Variants in MEGF6 observed in about 807,000 individuals in gnomAD.
The protein encoded by MEGF6 is multiple epidermal growth factor-like domains protein 6.
Under a neutral mutation model 207.1 loss-of-function variants are expected in MEGF6, and 184 were observed. The ratio of observed to expected loss-of-function variants is 0.89; its 90% CI spans 0.79 to 1.00. The LOEUF is 1.00. MEGF6 is among the 50% of genes least tolerant of loss of function. MEGF6 has a pLI of 0.00. For synonymous variants in MEGF6, 1,038 were observed against 910.0 expected (o/e 1.14, Z -2.53); for missense variants, 2,282 against 2,202.9 (o/e 1.04, Z -0.72).
Position 3,608,932 on chromosome 1 carries a change from G to C in MEGF6, c.131+2206C>G, listed in dbSNP as rs1412518727. ...GATGGGGCAAAGCACCTGGATCTGC[G>C]AGTTGGAGGGCACACCCCTCGCTGC... On this transcript the variant is annotated intron_variant, in intron 1 of 36. Coordinates refer to ENST00000356575, the MANE Select transcript of MEGF6 (RefSeq NM_001409.4). 2.6e-5 allele frequency among the ~76,000 whole-genome samples: 4 copies of C among 152,188 alleles called. No individual in the cohort carries two copies. The South Asian group carries it at 8.3e-4, about 32-fold the overall frequency.
chr1:3,590,310 G>A (rs1005389533), intron 3 of MEGF6, among the ~76,000 whole-genome samples: 8 of 152,316 alleles, frequency 5.3e-5, no homozygotes, highest in Admixed American at 2.6e-4. Context: ...GGGAGACTCC[G>A]GCTGAAACAT....
chr1:3,501,119 G>A, intron 19 of MEGF6, 25 bp from the exon 20 acceptor site: 1 of 1,612,670 alleles, frequency 6.2e-7, no homozygotes, highest in Non-Finnish European at 8.5e-7. Flanking sequence ...GAGAGGGTGA[G>A]TGGGGCCTGG....
intron 4 of MEGF6, among the ~76,000 whole-genome samples, chr1:3,526,308 G>C (rs186353169): frequency 5.3e-3 from 808 of 152,250 alleles, no homozygotes; most frequent in African/African-American, 0.014. Flanking sequence ...CAGGAGAGGA[G>C]GGCAAGAGCC....
chr1:3,492,807 T>C (rs771829674), intron 34 of MEGF6, 40 bp from the exon 35 acceptor site: 8 of 1,589,146 alleles, frequency 5.0e-6, no homozygotes, highest in Non-Finnish European at 6.9e-6. Flanking sequence ...CTGAGCATCA[T>C]CCTTGCCTTC....
intron 4 of MEGF6, among the ~76,000 whole-genome samples, chr1:3,549,583 G>T (rs1642821976): frequency 6.6e-6 from 1 of 152,194 alleles, no homozygotes; most frequent in South Asian, 2.1e-4. Flanking sequence ...TTGGTTGACT[G>T]CATGCAGAAG....
At chr1:3,495,330 G>A (rs1640555752) in intron 30 of MEGF6, among the ~76,000 whole-genome samples, 1 of 152,192 alleles carries the variant, frequency 6.6e-6, no homozygotes, top group African/African-American at 2.4e-5. Flanking sequence ...GGGGCAGCCA[G>A]TCCCTTGATG....
At chr1:3,587,227 G>A (rs1452864582) in intron 3 of MEGF6, among the ~76,000 whole-genome samples, 8 of 152,214 alleles carry the variant, frequency 5.3e-5, no homozygotes, top group South Asian at 2.1e-4. Context: ...CGAGGACTCC[G>A]CGGTCATAAC....
chr1:3,514,505 G>C, intron 7 of MEGF6, 45 bp downstream of exon 7: 1 of 1,550,762 alleles, frequency 6.4e-7, no homozygotes, highest in African/African-American at 1.3e-5. Context: ...ACCTGGGTGC[G>C]CTTTCTGACC....
In MEGF6 at chr1:3,498,794, G is replaced by T. The variant is rs752133585; in HGVS notation, c.3127C>A (p.Arg1043=). Residue 1043 remains arginine, a synonymous_variant, in exon 25 of 37, where the codon CGG becomes AGG. Coordinates refer to ENST00000356575, the MANE Select transcript of MEGF6 (RefSeq NM_001409.4). Reference sequence around the variant, plus strand: ...CCGTTCTGGCAGAGGCAGGAATGCCGACAGTTGTCGCCGTACAGGCCGGCA... The same window carrying T: ...CCGTTCTGGCAGAGGCAGGAATGCCTACAGTTGTCGCCGTACAGGCCGGCA... ...CPAGLYGDNC[R]HSCLCQNGGT... is the part of the protein sequence containing the mutation. 45 of 1,555,446 alleles carry T rather than the reference G, an allele frequency of 2.9e-5. No individual in the cohort carries two copies. Among genetic ancestry groups the T allele is most frequent in the Non-Finnish European group, 3.7e-5 (42 of 1,150,078 alleles).
rs1641068996 is a variant in MEGF6, at chr1:3,505,386, G to GCC, written c.2053+35_2053+36insGG. On this transcript the variant is annotated intron_variant, in intron 16 of 36. Coordinates refer to ENST00000356575, the MANE Select transcript of MEGF6 (RefSeq NM_001409.4). ...GGGTGGGTGGGGTTAACCGACCCTG[G>GCC]CGCCCCCCGCCCCCAGACCCCATGC... The GCC allele has an allele frequency of 1.3e-6, 2 of 1,594,142 alleles. 1 individual carries two copies. Among genetic ancestry groups the GCC allele is most frequent in the African/African-American group, 2.8e-5 (2 of 70,966 alleles).
Position 3,507,824 on chromosome 1 carries a change from G to A in MEGF6, c.1760C>T (p.Pro587Leu), listed in dbSNP as rs947345. ...CTCACAGTTAGTTCCACTGACACCCGGGGGGCAGCGGCAGGCCCCCGTGAC... is the reference window on the plus strand; with the variant it reads ...CTCACAGTTAGTTCCACTGACACCCAGGGGGCAGCGGCAGGCCCCCGTGAC... ...DSVTGACRCP[P>L]GVSGTNCEDG... Residue 587 changes from proline (P) to leucine (L), a missense_variant, in exon 14 of 37, where the codon CCG becomes CTG. Pro to Leu is a moderately conservative substitution (Grantham distance 98). Coordinates refer to ENST00000356575, the MANE Select transcript of MEGF6 (RefSeq NM_001409.4). The A allele has an allele frequency of 0.05, 81,421 of 1,612,602 alleles. 2,351 individuals are homozygous for A. Among genetic ancestry groups the A allele is most frequent in the African/African-American group, 0.098 (7,346 of 74,994 alleles).
intron 1 of MEGF6, among the ~76,000 whole-genome samples, chr1:3,610,823 T>A (rs1239491910): frequency 1.3e-5 from 2 of 149,990 alleles, no homozygotes; most frequent in East Asian, 4.1e-4. Flanking sequence ...GGCCAGACCC[T>A]GCCCGGAAAG....
At chr1:3,581,344 T>G (rs1643792426) in intron 3 of MEGF6, among the ~76,000 whole-genome samples, 2 of 152,044 alleles carry the variant, frequency 1.3e-5, no homozygotes, top group Non-Finnish European at 2.9e-5. Flanking sequence ...CACACACATC[T>G]GGCCACATTC....
At chr1:3,493,312 T>C (rs1254700365) in intron 34 of MEGF6, 6 of 187,428 alleles carry the variant, frequency 3.2e-5, no homozygotes, top group East Asian at 1.5e-4. Flanking sequence ...CTCAGGTGGG[T>C]CCCTCCTATC....
intron 3 of MEGF6, among the ~76,000 whole-genome samples, chr1:3,582,269 G>A (rs1469631959): frequency 3.9e-5 from 6 of 152,172 alleles, no homozygotes; most frequent in East Asian, 1.9e-4. Flanking sequence ...GATGTTCCCC[G>A]GACCCTGGGG....
intron 4 of MEGF6, among the ~76,000 whole-genome samples, chr1:3,568,075 C>T (rs1033650093): frequency 6.6e-6 from 1 of 152,188 alleles, no homozygotes; most frequent in Non-Finnish European, 1.5e-5. Flanking sequence ...CGTGCAGGAT[C>T]GCCTGCAGGA....
At chr1:3,577,870 C>T (rs534125258) in intron 4 of MEGF6, among the ~76,000 whole-genome samples, 11 of 152,340 alleles carry the variant, frequency 7.2e-5, no homozygotes, top group African/African-American at 1.9e-4. Context: ...GCAGAGCCCT[C>T]GCCCCACGCT....
chr1:3,499,545 C>A (rs1479647163), intron 23 of MEGF6, 43 bp downstream of exon 23: 12 of 1,549,846 alleles, frequency 7.7e-6, no homozygotes, highest in Non-Finnish European at 1.0e-5. Flanking sequence ...GGACCTGGCA[C>A]CCCCTCCTGC....
At chr1:3,590,504 C>T (rs986100110) in intron 3 of MEGF6, among the ~76,000 whole-genome samples, 1 of 152,236 alleles carries the variant, frequency 6.6e-6, no homozygotes, top group Non-Finnish European at 1.5e-5. Flanking sequence ...ACCGCCCCGC[C>T]CGGCACTAAG....
Sources: allele counts gnomAD v4.1 joint callset (sites outside exome capture counted in the v4.1 genomes callset), GRCh38; gene constraint gnomAD v4.1.1; transcripts MANE v1.5; gene names NCBI Gene and HGNC (gene_info 2026-07-23, HGNC 2026-07-21).